Variants in ACTR8 observed in about 807,000 individuals in gnomAD.
ACTR8 encodes the protein actin-related protein 8.
Under a neutral mutation model 84.3 loss-of-function variants are expected in ACTR8, and 70 were observed. The observed-to-expected ratio is 0.83, with a 90% CI of 0.68 to 1.01. The LOEUF (loss-of-function observed/expected upper bound fraction) is 1.01. Among genes scored for constraint, ACTR8 ranks in the 50% least tolerant of loss-of-function variants. The pLI is 0.00. For missense variants in ACTR8, 672 were observed against 775.4 expected, an observed-to-expected ratio of 0.87 and a Z score of 1.58; for synonymous variants, 268 against 275.2, an observed-to-expected ratio of 0.97 and a Z score of 0.26.
intron 12 of ACTR8, among the ~76,000 whole-genome samples, 160 bp from the exon 13 acceptor site, chr3:53,869,022 C>T (rs1699842283): frequency 6.6e-6 from 1 of 152,276 alleles, no homozygotes; most frequent in South Asian, 2.1e-4. Context: ...AGGCTCACGC[C>T]TGTAACCCCA....
downstream of ACTR8, among the ~76,000 whole-genome samples, chr3:53,866,759 G>A (rs921367952): frequency 6.6e-5 from 10 of 152,294 alleles, no homozygotes; most frequent in African/African-American, 1.4e-4. Flanking sequence ...GGGATTACAG[G>A]TGTGAGCCAC....
the ACTR8 span, chr3:53,860,035 A>G: frequency 3.6e-6 from 3 of 844,958 alleles, no homozygotes; most frequent in African/African-American, 5.1e-5. Context: ...TAAAAAATAA[A>G]TAAACCTCTA....
Position 53,877,664 on chromosome 3 carries a change from A to C in ACTR8, c.493T>G (p.Tyr165Asp), listed in dbSNP as rs757909203. Residue 165 changes from tyrosine to aspartate, a missense_variant, in exon 4 of 13, where the codon TAT becomes GAT. Tyr to Asp is a radical substitution (Grantham distance 160, BLOSUM62 -3). Coordinates refer to ENST00000335754, the MANE Select transcript of ACTR8 (RefSeq NM_022899.5). ...KWTNTSHHPE[Y>D]LVGEEALYVN... The stretch of plus-strand genomic sequence containing the variant: ...TTTCTTACCTCTTCTCCTACTAAAT[A>C]CTCAGGGTGATGAGATGTGTTTGTC... 1 of 1,613,834 alleles carries C rather than the reference A, an allele frequency of 6.2e-7. No homozygotes were observed. The highest frequency in any genetic ancestry group is 1.7e-5 in the Admixed American group (1 of 60,008).
At chr3:53,864,837 C>T, downstream of ACTR8, 1 of 1,614,148 alleles carries the variant, frequency 6.2e-7, no homozygotes. Flanking sequence ...GTTTCCATCA[C>T]ACAATTTGTT....
chr3:53,880,557 C>T (rs1379336718), intron 1 of ACTR8, among the ~76,000 whole-genome samples: 5 of 152,188 alleles, frequency 3.3e-5, no homozygotes, highest in African/African-American at 4.8e-5. Context: ...AGCTGGGCCA[C>T]AGGAAGCATT....
chr3:53,871,798 T>G (rs1359460990), intron 10 of ACTR8, among the ~76,000 whole-genome samples: 1 of 152,226 alleles, frequency 6.6e-6, no homozygotes, highest in Non-Finnish European at 1.5e-5. Context: ...CCCCGTGCCC[T>G]GAGTTTTTAA....
chr3:53,881,917 C>T, intron 1 of ACTR8, 62 bp downstream of exon 1: 1 of 1,549,686 alleles, frequency 6.5e-7, no homozygotes, highest in Non-Finnish European at 8.7e-7. Flanking sequence ...GCCTCCCGCC[C>T]CTTGCCTGGC....
At chr3:53,877,797 G>A (rs755945711) in intron 3 of ACTR8, 46 bp from the exon 4 acceptor site, 21 of 1,530,290 alleles carry the variant, frequency 1.4e-5, no homozygotes, top group African/African-American at 2.7e-5. Flanking sequence ...TATTCAAGGC[G>A]GGGGCAACAT....
chr3:53,864,598 T>A (rs1161566386), downstream of ACTR8: 18 of 660,832 alleles, frequency 2.7e-5, no homozygotes, highest in African/African-American at 3.3e-4. Flanking sequence ...AAAAGGAACA[T>A]CAGGATGTTT....
At chr3:53,869,931 A>G in intron 12 of ACTR8, 51 bp downstream of exon 12, 1 of 1,599,048 alleles carries the variant, frequency 6.3e-7, no homozygotes, top group South Asian at 1.1e-5. Flanking sequence ...GTCCACATAC[A>G]AGGCTGGTTT....
intron 2 of ACTR8, among the ~76,000 whole-genome samples, 175 bp from the exon 3 acceptor site, chr3:53,878,642 G>A (rs1700012180): frequency 6.6e-6 from 1 of 152,118 alleles, no homozygotes; most frequent in Admixed American, 6.5e-5. Flanking sequence ...GGGCAACATG[G>A]CAAAACACCA....
chr3:53,866,630 C>T (rs921703680), downstream of ACTR8, among the ~76,000 whole-genome samples: 6 of 147,036 alleles, frequency 4.1e-5, no homozygotes, highest in African/African-American at 1.3e-4. Context: ...TACAGGCACC[C>T]ACCACCACAC....
At chr3:53,865,275 A>G (rs145299223), downstream of ACTR8, 3 of 1,609,154 alleles carry the variant, frequency 1.9e-6, no homozygotes, top group African/African-American at 4.0e-5. Flanking sequence ...GAAAAAGATC[A>G]CAAGCCTGCC....
chr3:53,868,791 C>T lies in ACTR8; in HGVS notation c.1803G>A (p.Leu601=), dbSNP rs1699836631. ...VLACLDTTQE[L]WIYQREWQRF... ...GCTGCCACTCTCGCTGATAAATCCA[C>T]AGTTCCTGTGTTGTATCCAAACAAG... is the stretch of plus-strand genomic sequence containing the variant. The change falls in exon 13 of 13, where the codon CTG becomes CTA. Residue 601 remains leucine (L), a synonymous_variant. Transcript: ENST00000335754. 5 of 1,614,254 alleles carry T rather than the reference C, an allele frequency of 3.1e-6. No individual in the cohort carries two copies. Among genetic ancestry groups the T allele is most frequent in the African/African-American group, 2.7e-5 (2 of 75,070 alleles).
the ACTR8 span, chr3:53,859,967 G>A: frequency 0.045 from 23,342 of 524,378 alleles, 968 homozygotes; most frequent in East Asian, 0.14. Flanking sequence ...CCGAGATTGC[G>A]CCACTGCACT....
At chr3:53,871,113 G>A in intron 11 of ACTR8, 119 bp downstream of exon 11, 2 of 1,375,898 alleles carry the variant, frequency 1.5e-6, no homozygotes, top group Non-Finnish European at 2.0e-6. Flanking sequence ...AGCCAAGTAG[G>A]CGCTTAATCA....
chr3:53,862,706 T>C (rs1000782666), downstream of ACTR8, among the ~76,000 whole-genome samples: 1 of 152,148 alleles, frequency 6.6e-6, no homozygotes, highest in Non-Finnish European at 1.5e-5. Flanking sequence ...AGAAAACAAA[T>C]CGACATTAAA....
chr3:53,871,015 G>T, intron 11 of ACTR8: 1 of 581,518 alleles, frequency 1.7e-6, no homozygotes. Flanking sequence ...TTTCACATTT[G>T]TGTAATAATC....
At chr3:53,880,212 G>C in intron 1 of ACTR8, 103 bp from the exon 2 acceptor site, 1 of 1,187,130 alleles carries the variant, frequency 8.4e-7, no homozygotes, top group South Asian at 1.5e-5. Flanking sequence ...TGACTCAAAG[G>C]TATCAAAATA....
Sources: gnomAD v4.1 joint callset for allele counts (sites outside exome capture counted in the v4.1 genomes callset) on GRCh38, gnomAD v4.1.1 for gene constraint, MANE v1.5 for transcripts, NCBI Gene and HGNC (gene_info 2026-07-23, HGNC 2026-07-21) for gene names.